ATOSA: variants seen among roughly 807,000 people sequenced by gnomAD.
ATOSA encodes the protein atos homolog A.
At chr15:52,630,174 A>G in the ATOSA span, among the ~76,000 whole-genome samples, 1 of 152,150 alleles carries the variant, frequency 6.6e-6, no homozygotes, top group East Asian at 1.9e-4. Context: ...TCCTATAAAT[A>G]TAGCTTAAAA....
chr15:52,695,010 C>T, the ATOSA span, among the ~76,000 whole-genome samples: 6 of 151,608 alleles, frequency 4.0e-5, no homozygotes, highest in African/African-American at 7.3e-5. Context: ...CTGCAACCTC[C>T]ACCTCCTGGG....
the ATOSA span, among the ~76,000 whole-genome samples, chr15:52,691,865 A>C: frequency 2.0e-5 from 3 of 151,912 alleles, no homozygotes; most frequent in Non-Finnish European, 4.4e-5. Flanking sequence ...TAAGAAAAAG[A>C]AAAAGAAATT....
chr15:52,703,435 C>T, the ATOSA span, among the ~76,000 whole-genome samples: 1 of 152,146 alleles, frequency 6.6e-6, no homozygotes, highest in Non-Finnish European at 1.5e-5. Context: ...CCCTAAGATA[C>T]TATTTCTTGC....
the ATOSA span, among the ~76,000 whole-genome samples, chr15:52,626,086 T>C: frequency 6.6e-6 from 1 of 152,302 alleles, no homozygotes; most frequent in East Asian, 1.9e-4. Flanking sequence ...AAATTTAAAA[T>C]AAAACTAAAT....
the ATOSA span, among the ~76,000 whole-genome samples, chr15:52,681,365 C>T: frequency 1.3e-5 from 2 of 152,174 alleles, no homozygotes; most frequent in South Asian, 4.1e-4. Context: ...CAGATAGGGT[C>T]ACTACTTTCA....
chr15:52,647,164 T>C, the ATOSA span, among the ~76,000 whole-genome samples: 1 of 152,224 alleles, frequency 6.6e-6, no homozygotes, highest in Non-Finnish European at 1.5e-5. Flanking sequence ...ACTTTTGTTT[T>C]GTTTTACATT....
chr15:52,610,128 G>A, the ATOSA span: 1 of 1,614,028 alleles, frequency 6.2e-7, no homozygotes, highest in Non-Finnish European at 8.5e-7. Flanking sequence ...GCTGTGAACT[G>A]TTTGTACCAC....
chr15:52,613,199 C>T, the ATOSA span, among the ~76,000 whole-genome samples: 3 of 152,124 alleles, frequency 2.0e-5, no homozygotes, highest in Non-Finnish European at 4.4e-5. Flanking sequence ...AACACCGCCT[C>T]TACTAAAAAT....
At chr15:52,675,906 AAAAAAAAAAAAGAAAAAG>A in the ATOSA span, among the ~76,000 whole-genome samples, 1 of 125,080 alleles carries the variant, frequency 8.0e-6, no homozygotes, top group African/African-American at 3.4e-5. Context: ...ACTCCGTCTC[AAAAAAAAAAAAGAAAAAG>A]AAAAAAAAAG....
At chr15:52,681,266 T>G in the ATOSA span, among the ~76,000 whole-genome samples, 1 of 152,214 alleles carries the variant, frequency 6.6e-6, no homozygotes, top group African/African-American at 2.4e-5. Context: ...TGACTCATTA[T>G]TCAAATTGTT....
the ATOSA span, chr15:52,593,456 T>C: frequency 1.1e-6 from 1 of 900,662 alleles, no homozygotes; most frequent in East Asian, 2.9e-5. Flanking sequence ...TATTTTGGCA[T>C]ATTAGTTTGT....
chr15:52,602,997 G>A, the ATOSA span, among the ~76,000 whole-genome samples: 2 of 152,148 alleles, frequency 1.3e-5, no homozygotes, highest in Non-Finnish European at 2.9e-5. Context: ...CTGTGTGGGG[G>A]AAGGGGCAAA....
the ATOSA span, among the ~76,000 whole-genome samples, chr15:52,624,653 TTTC>T: frequency 6.6e-6 from 1 of 152,220 alleles, no homozygotes; most frequent in South Asian, 2.1e-4. Context: ...AACCTATTCA[TTTC>T]TTTAGAATAT....
the ATOSA span, among the ~76,000 whole-genome samples, chr15:52,601,490 A>G: frequency 2.0e-5 from 3 of 149,310 alleles, no homozygotes; most frequent in East Asian, 5.9e-4. Context: ...ATACTTCTCT[A>G]TTTTTTTGGG....
At chr15:52,608,880 G>T in the ATOSA span, 5 of 1,605,974 alleles carry the variant, frequency 3.1e-6, no homozygotes, top group Admixed American at 1.7e-5. Flanking sequence ...CATTTTTTTT[G>T]GAATCATCAG....
the ATOSA span, among the ~76,000 whole-genome samples, chr15:52,600,439 A>G: frequency 6.6e-6 from 1 of 152,164 alleles, no homozygotes; most frequent in Non-Finnish European, 1.5e-5. Flanking sequence ...CACCAAGCCA[A>G]GGCACAATAT....
the ATOSA span, among the ~76,000 whole-genome samples, chr15:52,659,634 G>C: frequency 3.9e-5 from 6 of 152,048 alleles, no homozygotes; most frequent in African/African-American, 1.5e-4. Context: ...AAACACAGCT[G>C]GGGCAAATGA....
At chr15:52,619,136 T>A in the ATOSA span, among the ~76,000 whole-genome samples, 13 of 152,302 alleles carry the variant, frequency 8.5e-5, no homozygotes, top group East Asian at 2.5e-3. Flanking sequence ...TAAGTACAAG[T>A]GATATGTGGT....
At chr15:52,581,955 C>T in the ATOSA span, 2 of 462,000 alleles carry the variant, frequency 4.3e-6, no homozygotes, top group Non-Finnish European at 7.4e-6. Context: ...TTCAACAGTA[C>T]AAAAAGGATT....
Sources: gnomAD v4.1 joint callset for allele counts (sites outside exome capture counted in the v4.1 genomes callset) on GRCh38, gnomAD v4.1.1 for gene constraint, MANE v1.5 for transcripts, NCBI Gene and HGNC (gene_info 2026-07-23, HGNC 2026-07-21) for gene names.